Variants in PKN2 observed in about 807,000 individuals in gnomAD.
PKN2 encodes the protein protein kinase N2.
Under a neutral mutation model 119.1 loss-of-function variants are expected in PKN2, and 38 were observed. The ratio of observed to expected loss-of-function variants is 0.32; its 90% CI spans 0.25 to 0.42. The LOEUF is 0.42. Among genes scored for constraint, PKN2 ranks in the 10% least tolerant of loss-of-function variants. The probability of loss-of-function intolerance (pLI) is 1.00; values close to 1 mark genes in which losing one functional copy is unlikely to be tolerated. For synonymous variants in PKN2, 390 were observed against 384.9 expected, an observed-to-expected ratio of 1.01 and a Z score of -0.15; for missense variants, 850 against 1,165.1, an observed-to-expected ratio of 0.73 and a Z score of 3.94.
intron 1 of PKN2, among the ~76,000 whole-genome samples, chr1:88,731,351 T>C (rs1022156992): frequency 1.3e-5 from 2 of 152,246 alleles, no homozygotes; most frequent in Admixed American, 1.3e-4. Flanking sequence ...AAGAAATGTG[T>C]TCTGCTAATA....
rs775441393 is a variant in PKN2 at position 88,804,373 on chromosome 1, T to A, written c.1282-18T>A. The A allele has an allele frequency of 6.4e-7, 1 of 1,569,676 alleles. No individual in the cohort carries two copies. Among genetic ancestry groups the A allele is most frequent in the Non-Finnish European group, 8.7e-7 (1 of 1,155,192 alleles). ...ATGTCTTTTCTGTTTTCTTTATTAT[T>A]TTTTTTAATTATCCTAGTCACGTGA... On this transcript the variant is annotated intron_variant, in intron 8 of 21. Coordinates refer to ENST00000370521, the MANE Select transcript of PKN2 (RefSeq NM_006256.4).
At chr1:88,779,343 G>A (rs1166342582) in intron 6 of PKN2, among the ~76,000 whole-genome samples, 3 of 149,582 alleles carry the variant, frequency 2.0e-5, no homozygotes, top group East Asian at 3.9e-4. Flanking sequence ...GAAAGTTTCT[G>A]TCAGTTTCTT....
intron 15 of PKN2, among the ~76,000 whole-genome samples, chr1:88,808,085 G>A (rs1016184992): frequency 2.0e-5 from 3 of 152,044 alleles, no homozygotes; most frequent in Admixed American, 1.3e-4. Flanking sequence ...ATTCATCTGT[G>A]GTTTTGTGGG....
rs1465204392 is a variant in PKN2, at chr1:88,835,518, C to T, written c.*2070C>T. 1 of 152,234 alleles carries T rather than the reference C, an allele frequency of 6.6e-6. No homozygotes were observed. The highest frequency in any genetic ancestry group is 2.4e-5 in the African/African-American group (1 of 41,366). 9.4% of individuals were successfully genotyped at this position (152,234 alleles called of 1,614,324 possible). On this transcript the variant is annotated 3_prime_UTR_variant, in exon 22 of 22. Transcript: ENST00000370521. ...AATTAGAAGGCAGGGTCTATTTACA[C>T]AATTAAGCTGAAGAAAGCACTAATT... is the stretch of plus-strand genomic sequence containing the variant.
At chr1:88,692,237 G>A (rs1666365397) in intron 1 of PKN2, among the ~76,000 whole-genome samples, 1 of 151,712 alleles carries the variant, frequency 6.6e-6, no homozygotes, top group Admixed American at 6.6e-5. Flanking sequence ...CTACTTTGGT[G>A]GATATTTGGA....
intron 6 of PKN2, among the ~76,000 whole-genome samples, chr1:88,772,769 A>G (rs1000245837): frequency 2.0e-5 from 3 of 152,160 alleles, no homozygotes; most frequent in Non-Finnish European, 4.4e-5. Flanking sequence ...CTCAGCATTT[A>G]CATTATTTTA....
chr1:88,752,018 C>T (rs1008573220), intron 2 of PKN2, among the ~76,000 whole-genome samples: 1 of 152,020 alleles, frequency 6.6e-6, no homozygotes, highest in African/African-American at 2.4e-5. Context: ...GCGTAGATTT[C>T]GTTTCATTTG....
At chr1:88,815,417 T>G (rs1246582311) in intron 16 of PKN2, 2 of 356,598 alleles carry the variant, frequency 5.6e-6, no homozygotes, top group Middle Eastern at 3.7e-4. Flanking sequence ...TTCAGTTCAC[T>G]CTATTTTCTG....
chr1:88,790,763 A>T (rs919672211), intron 8 of PKN2, among the ~76,000 whole-genome samples: 24 of 152,000 alleles, frequency 1.6e-4, no homozygotes, highest in Non-Finnish European at 3.4e-4. Context: ...TAATTTTCTC[A>T]TGTCCATTTT....
chr1:88,785,117 T>G (rs749228864), intron 7 of PKN2, among the ~76,000 whole-genome samples: 41 of 152,180 alleles, frequency 2.7e-4, no homozygotes, highest in Non-Finnish European at 4.3e-4. Flanking sequence ...TGGTCCTTCT[T>G]GTAGAATCGT....
At chr1:88,759,455 T>A (rs1315243324) in intron 2 of PKN2, among the ~76,000 whole-genome samples, 1 of 152,240 alleles carries the variant, frequency 6.6e-6, no homozygotes, top group Non-Finnish European at 1.5e-5. Context: ...GAGCTTTTTT[T>A]AATGTGCATG....
At chr1:88,765,184 C>T (rs1466524452) in intron 3 of PKN2, among the ~76,000 whole-genome samples, 1 of 151,868 alleles carries the variant, frequency 6.6e-6, no homozygotes, top group Non-Finnish European at 1.5e-5. Flanking sequence ...CCGCCTGGCC[C>T]TCCCAAAGTG....
At position 88,770,425 on chromosome 1, in the gene PKN2, A is replaced by G; in HGVS notation, c.578A>G (p.Gln193Arg). The G allele has an allele frequency of 6.2e-7, 1 of 1,612,712 alleles. No homozygotes were observed. Among genetic ancestry groups the G allele is most frequent in the Non-Finnish European group, 8.5e-7 (1 of 1,178,654 alleles). ...SKTKIEVIRM[Q>R]ILQAVQTNEL... ...ACAAAAATAGAAGTCATACGAATGC[A>G]GATTCTTCAGGCAGTCCAGACTAAT... Residue 193 changes from glutamine (Q) to arginine (R), a missense_variant, in exon 4 of 22, where the codon CAG (glutamine) becomes CGG (arginine). Transcript: ENST00000370521.
At chr1:88,808,898 C>G (rs1671669838) in intron 15 of PKN2, among the ~76,000 whole-genome samples, 1 of 152,030 alleles carries the variant, frequency 6.6e-6, no homozygotes, top group Non-Finnish European at 1.5e-5. Flanking sequence ...AAGGATTGAC[C>G]CTAGGGCATT....
intron 1 of PKN2, among the ~76,000 whole-genome samples, chr1:88,738,648 T>C (rs6668074): frequency 0.11 from 17,085 of 152,202 alleles, 1,972 homozygotes; most frequent in African/African-American, 0.3. Flanking sequence ...TCCTGAGATA[T>C]TAAGAGTACC....
At position 88,723,912 on chromosome 1, in the gene PKN2, G is replaced by C. The variant is rs986260855; in HGVS notation, c.49-17076G>C. 2.0e-5 allele frequency among the ~76,000 whole-genome samples: 3 copies of C among 151,832 alleles called. No homozygotes were observed. In the East Asian group the frequency reaches 5.8e-4, roughly 29 times the overall value. ...CTTCTCATCTATTTTTTCTCTTTTG[G>C]TTCTCATAATAATATTGAGACGTAG... On this transcript the variant is annotated intron_variant, in intron 1 of 21. Transcript: ENST00000370521.
At chr1:88,789,137 A>C (rs1670703775) in intron 8 of PKN2, among the ~76,000 whole-genome samples, 1 of 152,122 alleles carries the variant, frequency 6.6e-6, no homozygotes, top group Non-Finnish European at 1.5e-5. Flanking sequence ...AGGGAAAGAG[A>C]GTATAGAAGC....
rs182875030 is a variant in PKN2 at position 88,704,847 on chromosome 1, A to G, written c.48+20219A>G. ...CTTACCAATACTTGGTACAGTTAAT[A>G]GTTTTAATTTTAGCTATTCTAGTAG... On this transcript the variant is annotated intron_variant, in intron 1 of 21. Transcript: ENST00000370521. Among the ~76,000 whole-genome samples the G allele has an allele frequency of 7.3e-5, 11 of 150,222 alleles. No homozygotes were observed. The East Asian group carries it at 2.1e-3, about 29-fold the overall frequency.
chr1:88,763,028 A>T (rs951290291), intron 3 of PKN2, among the ~76,000 whole-genome samples: 3 of 152,204 alleles, frequency 2.0e-5, no homozygotes, highest in Non-Finnish European at 4.4e-5. Flanking sequence ...ATTTTCAATT[A>T]AAAGCCATAG....
Sources: gnomAD v4.1 joint callset for allele counts (sites outside exome capture counted in the v4.1 genomes callset) on GRCh38, gnomAD v4.1.1 for gene constraint, MANE v1.5 for transcripts, NCBI Gene and HGNC (gene_info 2026-07-23, HGNC 2026-07-21) for gene names.